The following ZNF804B variants were observed in gnomAD, a reference collection of about 807,000 sequenced individuals.
The protein encoded by ZNF804B is zinc finger protein 804B, also known as zinc finger 804B.
ZNF804B carries 80 observed loss-of-function variants against 101.4 expected under a neutral mutation model. The ratio of observed to expected loss-of-function variants is 0.79; its 90% CI spans 0.66 to 0.95. The LOEUF is 0.95. Among genes scored for constraint, ZNF804B ranks in the 40% least tolerant of loss-of-function variants. The pLI, the probability that ZNF804B is intolerant of heterozygous loss-of-function variation, is 0.00. For missense variants in ZNF804B, 1,673 were observed against 1,561.9 expected (o/e 1.07, Z -1.20); for synonymous variants, 622 against 558.8 (o/e 1.11, Z -1.59).
chr7:89,017,230 T>A (rs1788581754), intron 1 of ZNF804B, among the ~76,000 whole-genome samples: 1 of 152,188 alleles, frequency 6.6e-6, no homozygotes. Context: ...CGTAAGGAGA[T>A]TTTGGGCTGA....
chr7:89,072,260 C>G (rs1487353081), intron 1 of ZNF804B, among the ~76,000 whole-genome samples: 1 of 152,128 alleles, frequency 6.6e-6, no homozygotes, highest in African/African-American at 2.4e-5. Flanking sequence ...TTCTCTGAGG[C>G]CTAGGTAACA....
intron 1 of ZNF804B, among the ~76,000 whole-genome samples, chr7:89,006,033 G>A (rs564886852): frequency 6.6e-6 from 1 of 152,170 alleles, no homozygotes; most frequent in South Asian, 2.1e-4. Flanking sequence ...AAAAATAATG[G>A]TTTTTGTAAT....
chr7:89,114,429 A>T (rs1367769769), intron 1 of ZNF804B, among the ~76,000 whole-genome samples: 1 of 152,210 alleles, frequency 6.6e-6, no homozygotes, highest in Non-Finnish European at 1.5e-5. Flanking sequence ...GAGAATAATG[A>T]CAATGCAGAG....
chr7:88,936,106 T>C (rs1005504672), intron 1 of ZNF804B, among the ~76,000 whole-genome samples: 1 of 151,308 alleles, frequency 6.6e-6, no homozygotes, highest in Non-Finnish European at 1.5e-5. Context: ...TCTTCCTTTT[T>C]TTTTTTAAAA....
chr7:89,231,590 GTTTAC>G (rs991669416), intron 2 of ZNF804B, among the ~76,000 whole-genome samples: 2 of 151,818 alleles, frequency 1.3e-5, no homozygotes, highest in African/African-American at 4.8e-5. Context: ...ATATGTCTCT[GTTTAC>G]TTAAATTGCC....
chr7:88,989,005 C>T (rs1197972086), intron 1 of ZNF804B, among the ~76,000 whole-genome samples: 1 of 151,824 alleles, frequency 6.6e-6, no homozygotes, highest in Non-Finnish European at 1.5e-5. Flanking sequence ...ATTAAAATTT[C>T]CCAGGGTTTT....
At chr7:88,877,007 A>T (rs867884367) in intron 1 of ZNF804B, among the ~76,000 whole-genome samples, 1,581 of 75,056 alleles carry the variant, frequency 0.021, 69 homozygotes, top group African/African-American at 0.075. Context: ...TGAAAAAAAA[A>T]ATATATATAT....
intron 2 of ZNF804B, among the ~76,000 whole-genome samples, chr7:89,278,919 T>C (rs71557044): frequency 0.12 from 18,480 of 152,014 alleles, 1,205 homozygotes; most frequent in Middle Eastern, 0.25. Flanking sequence ...GGGATGGCAT[T>C]GAATCTGTAA....
intron 1 of ZNF804B, among the ~76,000 whole-genome samples, chr7:88,774,979 A>G (rs1036260400): frequency 6.6e-6 from 1 of 152,214 alleles, no homozygotes; most frequent in Non-Finnish European, 1.5e-5. Context: ...TTTCACAAAC[A>G]TTTTGGGGTC....
chr7:88,881,716 C>T (rs757784578), intron 1 of ZNF804B, among the ~76,000 whole-genome samples: 34 of 151,996 alleles, frequency 2.2e-4, no homozygotes, highest in Non-Finnish European at 3.7e-4. Flanking sequence ...TTTCTAAAAA[C>T]GTCATAATAG....
intron 1 of ZNF804B, among the ~76,000 whole-genome samples, chr7:89,059,670 G>T (rs909447858): frequency 2.0e-5 from 3 of 152,080 alleles, no homozygotes; most frequent in African/African-American, 7.2e-5. Context: ...TTTTTATTTG[G>T]AAATAAAATA....
intron 1 of ZNF804B, among the ~76,000 whole-genome samples, chr7:88,886,483 A>G (rs1257605091): frequency 6.6e-6 from 1 of 152,174 alleles, no homozygotes; most frequent in Non-Finnish European, 1.5e-5. Flanking sequence ...TCCCATTTAA[A>G]TATTTTCTGC....
intron 1 of ZNF804B, among the ~76,000 whole-genome samples, chr7:88,913,005 T>C (rs1792572428): frequency 1.3e-5 from 2 of 152,208 alleles, no homozygotes; most frequent in South Asian, 2.1e-4. Flanking sequence ...TTCGATGTTA[T>C]CAAAACATTA....
At chr7:88,864,300 A>G (rs1460054271) in intron 1 of ZNF804B, among the ~76,000 whole-genome samples, 1 of 152,250 alleles carries the variant, frequency 6.6e-6, no homozygotes, top group Non-Finnish European at 1.5e-5. Flanking sequence ...GACAACGAAT[A>G]TATACTGCCT....
chr7:88,876,264 G>C (rs1791938075), intron 1 of ZNF804B, among the ~76,000 whole-genome samples: 1 of 152,080 alleles, frequency 6.6e-6, no homozygotes, highest in Non-Finnish European at 1.5e-5. Flanking sequence ...TCTCTCTTGA[G>C]CAAATTCCTT....
intron 2 of ZNF804B, among the ~76,000 whole-genome samples, chr7:89,279,680 C>A (rs562314919): frequency 6.6e-6 from 1 of 152,106 alleles, no homozygotes; most frequent in Non-Finnish European, 1.5e-5. Context: ...GTTGAACCAG[C>A]CTTGCATCCC....
chr7:89,194,233 G>A (rs986762466), intron 1 of ZNF804B, among the ~76,000 whole-genome samples: 17 of 152,050 alleles, frequency 1.1e-4, no homozygotes, highest in South Asian at 6.2e-4. Context: ...GGATAAGTAG[G>A]TTGCGAAAAT....
chr7:89,290,420 C>T (rs191369552), intron 2 of ZNF804B, among the ~76,000 whole-genome samples: 1 of 152,194 alleles, frequency 6.6e-6, no homozygotes, highest in East Asian at 1.9e-4. Flanking sequence ...TTGGGGTCCC[C>T]GATTTCAAGC....
chr7:88,809,252 C>T (rs1193480578), intron 1 of ZNF804B, among the ~76,000 whole-genome samples: 2 of 152,056 alleles, frequency 1.3e-5, no homozygotes, highest in African/African-American at 2.4e-5. Context: ...TTTTATATAA[C>T]ATTGAAACAT....
Sources: gnomAD v4.1 joint callset for allele counts (sites outside exome capture counted in the v4.1 genomes callset) on GRCh38, gnomAD v4.1.1 for gene constraint, MANE v1.5 for transcripts, NCBI Gene and HGNC (gene_info 2026-07-23, HGNC 2026-07-21) for gene names.